KIF26B: variants seen among roughly 807,000 people sequenced by gnomAD.
KIF26B encodes kinesin family member 26B.
A neutral mutation model predicts 151.2 loss-of-function variants in KIF26B; 63 were observed. The observed-to-expected ratio is 0.42, with a 90% CI of 0.34 to 0.51. KIF26B has a LOEUF of 0.51. KIF26B is among the 20% of genes least tolerant of loss of function. KIF26B has a pLI of 0.07. For missense variants in KIF26B, 2,813 were observed against 2,913.6 expected (o/e 0.97, Z 0.79); for synonymous variants, 1,357 against 1,262.1 (o/e 1.08, Z -1.59).
intron 2 of KIF26B, among the ~76,000 whole-genome samples, chr1:245,176,278 C>T (rs945439666): frequency 1.6e-5 from 2 of 125,318 alleles, no homozygotes; most frequent in African/African-American, 3.5e-5. Context: ...GGATTACAGG[C>T]GTGAGCCTTG....
At chr1:245,643,772 G>T (rs1428582179) in intron 9 of KIF26B, among the ~76,000 whole-genome samples, 3 of 152,092 alleles carry the variant, frequency 2.0e-5, no homozygotes, top group Non-Finnish European at 2.9e-5. Flanking sequence ...CTTTTGCTGG[G>T]TGTATATTTC....
At chr1:245,392,368 G>A (rs1409049965) in intron 3 of KIF26B, among the ~76,000 whole-genome samples, 1 of 152,200 alleles carries the variant, frequency 6.6e-6, no homozygotes, top group East Asian at 1.9e-4. Context: ...GTACATAGAG[G>A]CTGTTTGCAG....
chr1:245,283,260 C>T (rs992967585), intron 2 of KIF26B, among the ~76,000 whole-genome samples: 4 of 151,836 alleles, frequency 2.6e-5, no homozygotes, highest in South Asian at 2.1e-4. Flanking sequence ...CCACCCACCG[C>T]GAGCCCAATC....
At chr1:245,342,399 T>C (rs1206781911) in intron 2 of KIF26B, among the ~76,000 whole-genome samples, 3 of 152,174 alleles carry the variant, frequency 2.0e-5, no homozygotes, top group Non-Finnish European at 4.4e-5. Context: ...AGTATGTTGC[T>C]GTGTAATTAA....
intron 3 of KIF26B, among the ~76,000 whole-genome samples, chr1:245,410,629 T>A (rs897195998): frequency 4.6e-5 from 7 of 152,176 alleles, no homozygotes; most frequent in Admixed American, 1.3e-4. Context: ...TTTGTATTTT[T>A]GGTAGAGACA....
At chr1:245,246,915 A>T (rs1670343118) in intron 2 of KIF26B, among the ~76,000 whole-genome samples, 1 of 143,800 alleles carries the variant, frequency 7.0e-6, no homozygotes, top group African/African-American at 2.5e-5. Context: ...ACAGACACAG[A>T]CACACACAGA....
rs2044811538 is a variant in KIF26B, at chr1:245,704,225, T to A, written c.*1619T>A. On this transcript the variant is annotated 3_prime_UTR_variant, in exon 15 of 15. Coordinates refer to ENST00000407071, the MANE Select transcript of KIF26B (RefSeq NM_018012.4). ...CCCTTTTGCCCTCAAATGCAGCATATCTTCATGAGCCTATTTATTTCCAAG... is the reference window on the plus strand; with the variant it reads ...CCCTTTTGCCCTCAAATGCAGCATAACTTCATGAGCCTATTTATTTCCAAG... The A allele has an allele frequency of 6.6e-6, 1 of 152,218 alleles. No individual in the cohort carries two copies. The highest frequency in any genetic ancestry group is 2.1e-4 in the South Asian group (1 of 4,834). The allele number at this position is 152,218 out of a possible 1,614,324, so 9.4% of individuals were successfully genotyped here.
rs528732223 is a variant in KIF26B, at chr1:245,255,187, A to T, written c.465+98504A>T. ...GACCCAGCAAGAAGACCCTCACCAG[A>T]TGTTGGCTTCTTGATCCTGGACTTC... On this transcript the variant is annotated intron_variant, in intron 2 of 14. Transcript: ENST00000407071. 7.9e-5 allele frequency among the ~76,000 whole-genome samples: 12 copies of T among 152,314 alleles called. No individual in the cohort carries two copies. The East Asian group carries it at 2.3e-3, about 29-fold the overall frequency.
chr1:245,284,848 G>A (rs1471624658), intron 2 of KIF26B, among the ~76,000 whole-genome samples: 1 of 152,090 alleles, frequency 6.6e-6, no homozygotes. Context: ...AGACCAGCCT[G>A]ACCAATATGG....
At chr1:245,622,995 G>C (rs2043681043) in intron 9 of KIF26B, among the ~76,000 whole-genome samples, 1 of 147,008 alleles carries the variant, frequency 6.8e-6, no homozygotes, top group South Asian at 2.2e-4. Flanking sequence ...TTGAATCCTA[G>C]CTCTACTACT....
chr1:245,644,126 T>C (rs998771653), intron 9 of KIF26B, among the ~76,000 whole-genome samples: 5 of 152,188 alleles, frequency 3.3e-5, no homozygotes, highest in African/African-American at 9.6e-5. Context: ...CAATTACACA[T>C]AGCAGGCACT....
At chr1:245,634,943 G>A (rs915481092) in intron 9 of KIF26B, among the ~76,000 whole-genome samples, 2 of 151,888 alleles carry the variant, frequency 1.3e-5, no homozygotes, top group African/African-American at 4.8e-5. Flanking sequence ...CTTGAACTTC[G>A]GGCCTGAAGC....
At chr1:245,480,769 TTTTA>T (rs1660148471) in intron 4 of KIF26B, among the ~76,000 whole-genome samples, 1 of 115,096 alleles carries the variant, frequency 8.7e-6, no homozygotes, top group African/African-American at 4.1e-5. Context: ...ATCCTAATAC[TTTTA>T]AAATGTTAAA....
intron 2 of KIF26B, among the ~76,000 whole-genome samples, chr1:245,188,234 C>T (rs1014125877): frequency 2.6e-4 from 37 of 144,246 alleles, no homozygotes; most frequent in East Asian, 2.0e-4. Context: ...GAGCCTGGAT[C>T]GCACCATTGC....
At chr1:245,578,894 T>C (rs1321854759) in intron 5 of KIF26B, among the ~76,000 whole-genome samples, 1 of 152,104 alleles carries the variant, frequency 6.6e-6, no homozygotes, top group Admixed American at 6.5e-5. Context: ...AATAACAAAA[T>C]AGAAACTGAA....
rs752474744 is a variant in KIF26B at position 245,170,666 on chromosome 1, G to A, written c.465+13983G>A. On this transcript the variant is annotated intron_variant, in intron 2 of 14. Transcript: ENST00000407071. This position sits in a 1 kb window ranked among gnomAD's most constrained non-coding sequence, Gnocchi z 4.4. ...TGGCACTGTCTTGCTGTGTCCTCAC[G>A]TAGTGGAAGGGACTGGCTAGCTCTC... Among the ~76,000 whole-genome samples the A allele has an allele frequency of 6.6e-6, 1 of 152,212 alleles. No individual in the cohort carries two copies. Among genetic ancestry groups the A allele is most frequent in the Admixed American group, 6.5e-5 (1 of 15,278 alleles).
chr1:245,702,166 T>G lies in KIF26B; in HGVS notation c.6179-292T>G, dbSNP rs192527300. Among the ~76,000 whole-genome samples the G allele has an allele frequency of 1.7e-4, 26 of 152,220 alleles. No homozygotes were observed. The highest frequency in any genetic ancestry group is 6.3e-4 in the African/African-American group (26 of 41,490). ...TGGTAGCGTCTCTCAAATCCTGGGATCCATCCTGGATCCTCCATGGCTGGA... is the reference window on the plus strand; with the variant it reads ...TGGTAGCGTCTCTCAAATCCTGGGAGCCATCCTGGATCCTCCATGGCTGGA... On this transcript the variant is annotated intron_variant, in intron 14 of 14. Transcript: ENST00000407071. The surrounding 1 kb of genome is among the most constrained non-coding windows in gnomAD (Gnocchi z 4.1).
chr1:245,186,203 A>C (rs1052217572), intron 2 of KIF26B, among the ~76,000 whole-genome samples: 2 of 151,646 alleles, frequency 1.3e-5, no homozygotes, highest in African/African-American at 4.8e-5. Context: ...CCCTTCTCCC[A>C]CGTGCGCTAA....
At chr1:245,699,789 G>A (rs916426895) in intron 14 of KIF26B, among the ~76,000 whole-genome samples, 10 of 152,138 alleles carry the variant, frequency 6.6e-5, no homozygotes, top group Non-Finnish European at 1.0e-4. Context: ...CTCAGCCTCC[G>A]GCAGGCCTCC....
Sources: allele counts gnomAD v4.1 joint callset (sites outside exome capture counted in the v4.1 genomes callset), GRCh38; gene constraint gnomAD v4.1.1; non-coding constraint Gnocchi (gnomAD v3.1); transcripts MANE v1.5; gene names NCBI Gene and HGNC (gene_info 2026-07-23, HGNC 2026-07-21).